Variants in ELOVL7 observed in about 807,000 individuals in gnomAD.
ELOVL7 encodes very long chain fatty acid elongase 7.
A neutral mutation model predicts 35.7 loss-of-function variants in ELOVL7; 27 were observed. The ratio of observed to expected loss-of-function variants is 0.76; its 90% CI spans 0.56 to 1.04. ELOVL7 has a LOEUF of 1.04. Among genes scored for constraint, ELOVL7 ranks in the 50% least tolerant of loss-of-function variants. The probability of loss-of-function intolerance (pLI) is 0.00; values close to 1 mark genes in which losing one functional copy is unlikely to be tolerated. For synonymous variants in ELOVL7, 113 were observed against 114.6 expected, an observed-to-expected ratio of 0.99 and a Z score of 0.09; for missense variants, 327 against 340.8, an observed-to-expected ratio of 0.96 and a Z score of 0.32.
intron 1 of ELOVL7, among the ~76,000 whole-genome samples, chr5:60,804,954 G>A (rs995274619): frequency 6.6e-6 from 1 of 152,180 alleles, no homozygotes; most frequent in African/African-American, 2.4e-5. Flanking sequence ...GCAGGTAAAA[G>A]GCACCTACTC....
intron 2 of ELOVL7, among the ~76,000 whole-genome samples, chr5:60,794,341 C>T (rs1744116828): frequency 6.6e-6 from 1 of 152,252 alleles, no homozygotes; most frequent in Non-Finnish European, 1.5e-5. Context: ...CCACAAGCTG[C>T]CTACGTTAGC....
chr5:60,839,041 T>TAC (rs1747003250), intron 1 of ELOVL7, among the ~76,000 whole-genome samples: 3 of 149,748 alleles, frequency 2.0e-5, no homozygotes, highest in South Asian at 4.2e-4. Context: ...TATATATATA[T>TAC]ATATATTTAT....
chr5:60,778,084 C>T (rs909375922), intron 3 of ELOVL7, among the ~76,000 whole-genome samples: 1 of 152,082 alleles, frequency 6.6e-6, no homozygotes, highest in African/African-American at 2.4e-5. Flanking sequence ...AATCAGCTAC[C>T]CAGGTACACA....
chr5:60,787,241 G>C, intron 3 of ELOVL7, 93 bp downstream of exon 3: 3 of 1,080,024 alleles, frequency 2.8e-6, no homozygotes, highest in Non-Finnish European at 4.1e-6. Flanking sequence ...AAGTTGCAAA[G>C]TCTCTCATTC....
chr5:60,755,655 T>C (rs1584140230), intron 8 of ELOVL7, among the ~76,000 whole-genome samples: 1 of 151,270 alleles, frequency 6.6e-6, no homozygotes, highest in South Asian at 2.1e-4. Context: ...AGATTCCATC[T>C]CAAAAAAAAA....
intron 1 of ELOVL7, among the ~76,000 whole-genome samples, chr5:60,833,237 C>T (rs1746590173): frequency 6.6e-6 from 1 of 152,198 alleles, no homozygotes; most frequent in African/African-American, 2.4e-5. Context: ...CTAAACAGGA[C>T]TGTGGTCTTG....
chr5:60,789,529 T>C (rs1049562845), intron 2 of ELOVL7, among the ~76,000 whole-genome samples: 3 of 152,194 alleles, frequency 2.0e-5, no homozygotes, highest in African/African-American at 7.2e-5. Context: ...AAGTACAAAT[T>C]AGTGTAACTC....
intron 1 of ELOVL7, among the ~76,000 whole-genome samples, chr5:60,814,531 G>A (rs553697392): frequency 5.9e-5 from 9 of 152,130 alleles, no homozygotes; most frequent in Non-Finnish European, 1.0e-4. Context: ...TAACAATAAC[G>A]CCCACTAACT....
intron 3 of ELOVL7, among the ~76,000 whole-genome samples, chr5:60,781,944 T>G (rs544100828): frequency 6.6e-6 from 1 of 152,356 alleles, no homozygotes; most frequent in South Asian, 2.1e-4. Flanking sequence ...AGCTTGCTAC[T>G]GTTATTATAG....
Position 60,799,479 on chromosome 5 carries a change from G to A in ELOVL7, c.-85-249C>T, listed in dbSNP as rs1332096478. ...AAAAGAGTATTCATAAATAAAATTG[G>A]AAATGAAAGAAGAGACATTGCAACT... On this transcript the variant is annotated intron_variant, in intron 1 of 8. Transcript: ENST00000508821. Among the ~76,000 whole-genome samples the A allele has an allele frequency of 4.6e-5, 7 of 152,192 alleles. No individual in the cohort carries two copies. In the South Asian group the frequency reaches 1.5e-3, roughly 32 times the overall value.
At chr5:60,830,504 G>A (rs761937969) in intron 1 of ELOVL7, among the ~76,000 whole-genome samples, 5 of 152,072 alleles carry the variant, frequency 3.3e-5, no homozygotes, top group Non-Finnish European at 5.9e-5. Flanking sequence ...GATGCTGGAT[G>A]GCACAGACAG....
chr5:60,837,945 G>A (rs1429356114), intron 1 of ELOVL7, among the ~76,000 whole-genome samples: 2 of 152,090 alleles, frequency 1.3e-5, no homozygotes, highest in African/African-American at 4.8e-5. Context: ...TCAAAAAAAA[G>A]ATATCTAATG....
At chr5:60,757,895 G>C (rs188267309) in intron 7 of ELOVL7, among the ~76,000 whole-genome samples, 1 of 152,166 alleles carries the variant, frequency 6.6e-6, no homozygotes, top group Non-Finnish European at 1.5e-5. Flanking sequence ...GTGGTCTTAT[G>C]ATTTGAATTT....
chr5:60,793,385 G>A (rs1476848102), intron 2 of ELOVL7, among the ~76,000 whole-genome samples: 4 of 152,198 alleles, frequency 2.6e-5, no homozygotes, highest in East Asian at 1.9e-4. Flanking sequence ...TCTTCAAAGC[G>A]CTAGCTCAAC....
At chr5:60,770,005 C>T (rs566962467) in intron 4 of ELOVL7, among the ~76,000 whole-genome samples, 2 of 150,106 alleles carry the variant, frequency 1.3e-5, no homozygotes, top group East Asian at 2.0e-4. Context: ...GAGCCAAGAT[C>T]GTGCCACTGC....
intron 2 of ELOVL7, among the ~76,000 whole-genome samples, chr5:60,791,309 T>C (rs939772251): frequency 1.3e-5 from 2 of 151,988 alleles, no homozygotes; most frequent in African/African-American, 4.8e-5. Flanking sequence ...GAGAGAGAAA[T>C]TGTGCCAATT....
intron 1 of ELOVL7, among the ~76,000 whole-genome samples, chr5:60,831,998 T>C (rs920284062): frequency 1.3e-5 from 2 of 152,206 alleles, no homozygotes; most frequent in Admixed American, 1.3e-4. Context: ...ATTTAAAATC[T>C]GCAATATTAC....
chr5:60,834,949 G>T (rs1157449825), intron 1 of ELOVL7, among the ~76,000 whole-genome samples: 1 of 151,870 alleles, frequency 6.6e-6, no homozygotes, highest in Non-Finnish European at 1.5e-5. Context: ...CCAGCACTTT[G>T]GGAGGCCAAG....
chr5:60,825,626 G>C (rs1038212779), intron 1 of ELOVL7, among the ~76,000 whole-genome samples: 2 of 152,152 alleles, frequency 1.3e-5, no homozygotes, highest in Non-Finnish European at 1.5e-5. Flanking sequence ...ATGAATGGAT[G>C]GATGAACCTT....
Sources: gnomAD v4.1 joint callset for allele counts (sites outside exome capture counted in the v4.1 genomes callset) on GRCh38, gnomAD v4.1.1 for gene constraint, MANE v1.5 for transcripts, NCBI Gene and HGNC (gene_info 2026-07-23, HGNC 2026-07-21) for gene names.